RRBP1: variants seen among roughly 807,000 people sequenced by gnomAD.
RRBP1 encodes ribosome binding protein 1.
RRBP1 carries 94 observed loss-of-function variants against 165.2 expected under a neutral mutation model. The observed-to-expected ratio is 0.57, with a 90% CI of 0.48 to 0.68. The LOEUF (loss-of-function observed/expected upper bound fraction) is 0.68, where lower values mean the gene tolerates loss of function less well. RRBP1 is among the 30% of genes least tolerant of loss of function. The pLI, the probability that RRBP1 is intolerant of heterozygous loss-of-function variation, is 0.00. For synonymous variants in RRBP1, 680 were observed against 714.5 expected (o/e 0.95, Z 0.77); for missense variants, 1,676 against 1,763.0 (o/e 0.95, Z 0.88).
Position 17,658,923 on chromosome 20 carries a change from T to C in RRBP1, c.1585A>G (p.Lys529Glu). 6.2e-7 allele frequency: 1 copy of C among 1,613,172 alleles called. No homozygotes were observed. Among genetic ancestry groups the C allele is most frequent in the Non-Finnish European group, 8.5e-7 (1 of 1,179,870 alleles). The change falls in exon 3 of 25, where the codon AAG (lysine) becomes GAG (glutamate). Residue 529 changes from lysine (K) to glutamate (E), a missense_variant. Lys to Glu is a moderately conservative substitution (Grantham distance 56). Coordinates refer to ENST00000377813, the MANE Select transcript of RRBP1 (RefSeq NM_001365613.2). Reference sequence around the variant, plus strand: ...CCTTGGTTGGGACTCCTTTCTGCCTTTTTGCCCTGAGCCCCTTCTGTCTTT... The same window carrying C: ...CCTTGGTTGGGACTCCTTTCTGCCTCTTTGCCCTGAGCCCCTTCTGTCTTT... ...GKKTEGAQGK[K>E]AERSPNQGKK... is the part of the protein sequence containing the mutation.
intron 2 of RRBP1, 97 bp from the exon 3 acceptor site, chr20:17,660,625 T>C (rs2036748218): frequency 1.4e-6 from 1 of 737,636 alleles, no homozygotes; most frequent in South Asian, 1.8e-5. Flanking sequence ...TCACTAATTC[T>C]TTCTTCAGGC....
chr20:17,677,201 G>GCCTAACAGACCTTGTTTGCTTATAC (rs898294346), intron 2 of RRBP1, among the ~76,000 whole-genome samples: 23 of 152,288 alleles, frequency 1.5e-4, no homozygotes, highest in Middle Eastern at 3.4e-3. Context: ...TCTCAAGACA[G>GCCTAACAGACCTTGTTTGCTTATAC]CCTAACAGAC....
At position 17,629,857 on chromosome 20, in the gene RRBP1, G is replaced by T; in HGVS notation, c.2715C>A (p.Ala905=). The T allele has an allele frequency of 6.3e-7, 1 of 1,599,598 alleles. No individual in the cohort carries two copies. The highest frequency in any genetic ancestry group is 1.1e-5 in the South Asian group (1 of 91,040). ...QSSHASLRAD[A]EKAQEQQQQM... is the part of the protein sequence containing the mutation. ...GCTGCTGTTGCTCCTGGGCCTTCTC[G>T]GCATCCGCCCGGAGGCTGGCGTGGC... The change falls in exon 9 of 25, where the codon GCC becomes GCA. Residue 905 remains alanine (A), a synonymous_variant. Coordinates refer to ENST00000377813, the MANE Select transcript of RRBP1 (RefSeq NM_001365613.2).
At chr20:17,651,597 T>C (rs1173972984) in intron 3 of RRBP1, among the ~76,000 whole-genome samples, 1 of 152,226 alleles carries the variant, frequency 6.6e-6, no homozygotes, top group Non-Finnish European at 1.5e-5. Context: ...CAGTGTGCAC[T>C]GCAGCTCCCG....
intron 5 of RRBP1, among the ~76,000 whole-genome samples, chr20:17,637,295 TG>T (rs2122338702): frequency 6.6e-6 from 1 of 152,066 alleles, no homozygotes; most frequent in South Asian, 2.1e-4. Flanking sequence ...CAGGTGAACA[TG>T]GATGCCGAGT....
intron 2 of RRBP1, among the ~76,000 whole-genome samples, chr20:17,674,436 T>C (rs1231587714): frequency 1.3e-5 from 2 of 151,902 alleles, no homozygotes; most frequent in Non-Finnish European, 2.9e-5. Context: ...CGATGAGGAC[T>C]GACCAAGAGA....
intron 5 of RRBP1, 41 bp downstream of exon 5, chr20:17,641,756 C>T (rs371926756): frequency 3.9e-5 from 63 of 1,607,392 alleles, no homozygotes; most frequent in Middle Eastern, 2.2e-4. Flanking sequence ...CCTCTGAGGA[C>T]GGGAGAGGAC....
intron 2 of RRBP1, among the ~76,000 whole-genome samples, chr20:17,673,073 A>G (rs1600189995): frequency 6.6e-6 from 1 of 152,216 alleles, no homozygotes; most frequent in Non-Finnish European, 1.5e-5. Flanking sequence ...TAGCTTGTGG[A>G]TACTTATTGC....
At position 17,641,025 on chromosome 20, in the gene RRBP1, G is replaced by C. The variant is rs76419926; in HGVS notation, c.2184+772C>G. Among the ~76,000 whole-genome samples the C allele has an allele frequency of 4.5e-3, 684 of 152,288 alleles. 8 individuals are homozygous for C. The highest frequency in any genetic ancestry group is 0.042 in the East Asian group (217 of 5,154). ...CTGCGGTGCTGCATGGGGCAAAGAC[G>C]GCTTTCAACAGGGCCTGACCAGTCC... On this transcript the variant is annotated intron_variant, in intron 5 of 24. Transcript: ENST00000377813.
chr20:17,620,465 A>G (rs764952551), intron 17 of RRBP1, 95 bp from the exon 18 acceptor site: 1 of 1,181,090 alleles, frequency 8.5e-7, no homozygotes, highest in East Asian at 2.3e-5. Flanking sequence ...GACCCAACTT[A>G]GGAAGCCCCG....
At chr20:17,623,279 G>A (rs2035950091) in intron 13 of RRBP1, 1 of 152,290 alleles carries the variant, frequency 6.6e-6, no homozygotes. Context: ...GCCCTAGCTA[G>A]TTGTCCTCAT....
chr20:17,615,784 C>A, intron 22 of RRBP1, 142 bp downstream of exon 22: 2 of 748,080 alleles, frequency 2.7e-6, no homozygotes, highest in South Asian at 3.7e-5. Context: ...GCCCGGGCCC[C>A]ACCCACTGCT....
At chr20:17,618,964 T>C in intron 19 of RRBP1, 1 of 415,066 alleles carries the variant, frequency 2.4e-6, no homozygotes, top group South Asian at 2.6e-5. Context: ...GGAGATGATT[T>C]TTTTTTTCAG....
At chr20:17,666,811 G>A (rs1271720723) in intron 2 of RRBP1, among the ~76,000 whole-genome samples, 3 of 152,112 alleles carry the variant, frequency 2.0e-5, no homozygotes, top group African/African-American at 7.2e-5. Flanking sequence ...AGGTTAAGTA[G>A]CATGTCTTAT....
chr20:17,658,438 G>C (rs1479338936), intron 3 of RRBP1, among the ~76,000 whole-genome samples, 158 bp downstream of exon 3: 1 of 152,106 alleles, frequency 6.6e-6, no homozygotes, highest in Non-Finnish European at 1.5e-5. Context: ...AACAATAAAT[G>C]ACTGCTGTTG....
At chr20:17,650,567 C>T (rs1053859073) in intron 3 of RRBP1, among the ~76,000 whole-genome samples, 1 of 152,236 alleles carries the variant, frequency 6.6e-6, no homozygotes, top group Non-Finnish European at 1.5e-5. Context: ...TACCCTGCAT[C>T]CCCGCATCCC....
chr20:17,652,274 T>C (rs968437386), intron 3 of RRBP1, among the ~76,000 whole-genome samples: 2 of 152,238 alleles, frequency 1.3e-5, no homozygotes, highest in African/African-American at 4.8e-5. Context: ...CACATGTGAC[T>C]AGTAGGCACT....
At chr20:17,621,354 G>A (rs1287807252) in intron 16 of RRBP1, 104 bp downstream of exon 16, 5 of 788,112 alleles carry the variant, frequency 6.3e-6, no homozygotes, top group Non-Finnish European at 1.0e-5. Flanking sequence ...CAAGGCCAGT[G>A]GGCTTTTCCA....
intron 11 of RRBP1, 33 bp downstream of exon 11, chr20:17,627,315 C>T (rs1219808469): frequency 3.1e-6 from 5 of 1,610,646 alleles, no homozygotes; most frequent in Non-Finnish European, 4.2e-6. Flanking sequence ...GGCTGAGGCT[C>T]AAGTGAGCAG....
Sources: gnomAD v4.1 joint callset for allele counts (sites outside exome capture counted in the v4.1 genomes callset) on GRCh38, gnomAD v4.1.1 for gene constraint, MANE v1.5 for transcripts, NCBI Gene and HGNC (gene_info 2026-07-23, HGNC 2026-07-21) for gene names.